The following ZSCAN4 variants were observed in gnomAD, a reference collection of about 807,000 sequenced individuals.
ZSCAN4 encodes zinc finger and SCAN domain containing 4.
A neutral mutation model predicts 18.3 loss-of-function variants in ZSCAN4; 18 were observed. The ratio of observed to expected loss-of-function variants is 0.98; its 90% CI spans 0.68 to 1.46. ZSCAN4 has a LOEUF of 1.46. Ranked by LOEUF, ZSCAN4 falls within the 40% of genes most tolerant of loss-of-function variation. The probability of loss-of-function intolerance (pLI) is 0.00; values close to 1 mark genes in which losing one functional copy is unlikely to be tolerated. For missense variants in ZSCAN4, 498 were observed against 511.4 expected, an observed-to-expected ratio of 0.97 and a Z score of 0.25; for synonymous variants, 193 against 180.3, an observed-to-expected ratio of 1.07 and a Z score of -0.57.
At chr19:57,668,702 C>G (rs1983923554), upstream of ZSCAN4, among the ~76,000 whole-genome samples, 1 of 152,202 alleles carries the variant, frequency 6.6e-6, no homozygotes, top group Admixed American at 6.5e-5. Flanking sequence ...GCGCTTCTCA[C>G]CATTTTAACT....
At chr19:57,658,607 G>T in the ZSCAN4 span, among the ~76,000 whole-genome samples, 2 of 152,152 alleles carry the variant, frequency 1.3e-5, no homozygotes, top group African/African-American at 4.8e-5. Flanking sequence ...GCCGAGGCAG[G>T]TAGATCACCT....
upstream of ZSCAN4, chr19:57,664,769 C>G (rs111378557): frequency 3.6e-3 from 797 of 218,518 alleles, 2 homozygotes; most frequent in African/African-American, 0.017. Context: ...AATCCCTGGT[C>G]CACAAACGTA....
In ZSCAN4 at chr19:57,669,039, C is replaced by T. The variant is rs1472665667; in HGVS notation, c.-593C>T. ...ACTTGATCAGAATTTGTGAGACTAA[C>T]GTTTGTCTTTATATTTTCCTTTTTT... On this transcript the variant is annotated 5_prime_UTR_variant, in exon 1 of 5. The change creates a new upstream start codon in the 5' untranslated region. Coordinates refer to ENST00000318203, the Ensembl canonical transcript of ZSCAN4. 6.8e-6 allele frequency: 1 copy of T among 146,868 alleles called. No homozygotes were observed. Among genetic ancestry groups the T allele is most frequent in the East Asian group, 2.0e-4 (1 of 5,038 alleles). The allele number at this position is 146,868 out of a possible 1,614,324, so 9.1% of individuals were successfully genotyped here. A position where few individuals can be genotyped will look rare whatever the true frequency, so the allele number is the denominator to read the frequency against.
At position 57,678,912 on chromosome 19, in the gene ZSCAN4, G is replaced by A. The variant is rs749163666; in HGVS notation, c.*7G>A. ...CACACCAGAAGCTTCCTAAGCTGCT[G>A]GTCTGATAATGTGTATAAATATGTA... On this transcript the variant is annotated 3_prime_UTR_variant, in exon 5 of 5. Coordinates refer to ENST00000318203, the Ensembl canonical transcript of ZSCAN4. The A allele has an allele frequency of 3.2e-6, 5 of 1,576,526 alleles. No individual in the cohort carries two copies. The Admixed American group carries it at 9.6e-5, about 30-fold the overall frequency.
At chr19:57,678,503 A>G (rs1984261858) in exon 5 of ZSCAN4, 1 of 1,614,178 alleles carries the variant, frequency 6.2e-7, no homozygotes, top group Non-Finnish European at 8.5e-7. Flanking sequence ...CATGTGAGGT[A>G]CATCAGAAAG....
At chr19:57,656,220 G>A in the ZSCAN4 span, among the ~76,000 whole-genome samples, 1 of 152,044 alleles carries the variant, frequency 6.6e-6, no homozygotes, top group Non-Finnish European at 1.5e-5. Flanking sequence ...CATAACCAAG[G>A]GAAACATTAT....
intron 3 of ZSCAN4, 145 bp downstream of exon 3, chr19:57,676,686 G>A: frequency 2.0e-6 from 2 of 985,846 alleles, no homozygotes; most frequent in Non-Finnish European, 2.9e-6. Flanking sequence ...TTCTCACAAA[G>A]AATAATCTTC....
chr19:57,651,957 C>T, the ZSCAN4 span, among the ~76,000 whole-genome samples: 1 of 152,104 alleles, frequency 6.6e-6, no homozygotes. Context: ...GAGAACTCCC[C>T]AGTCACCACT....
upstream of ZSCAN4, among the ~76,000 whole-genome samples, chr19:57,665,659 C>T (rs544204183): frequency 6.6e-6 from 1 of 152,264 alleles, no homozygotes; most frequent in South Asian, 2.1e-4. Context: ...GTGGCTCACT[C>T]CTGTAATCCC....
upstream of ZSCAN4, chr19:57,664,180 GGAGGAAGGGAGGACGA>G (rs893135582): frequency 1.3e-5 from 2 of 151,824 alleles, no homozygotes; most frequent in Non-Finnish European, 2.9e-5. Context: ...AGGGAGGAAG[GGAGGAAGGGAGGACGA>G]GAGGAAGGGA....
At chr19:57,662,505 T>A in the ZSCAN4 span, among the ~76,000 whole-genome samples, 1 of 152,200 alleles carries the variant, frequency 6.6e-6, no homozygotes, top group Non-Finnish European at 1.5e-5. Context: ...GGCTTACTTA[T>A]CCAAGATTGT....
the ZSCAN4 span, among the ~76,000 whole-genome samples, chr19:57,662,608 C>T: frequency 9.2e-5 from 14 of 152,298 alleles, no homozygotes; most frequent in African/African-American, 3.4e-4. Flanking sequence ...ATTGCCCAGA[C>T]TGGAGTGCAG....
the ZSCAN4 span, among the ~76,000 whole-genome samples, chr19:57,657,884 G>A: frequency 2.6e-5 from 4 of 152,098 alleles, no homozygotes; most frequent in African/African-American, 9.7e-5. Flanking sequence ...CAGTGTAAAT[G>A]CTGTTTAAAT....
chr19:57,668,867 G>A (rs540854167), upstream of ZSCAN4: 21 of 152,084 alleles, frequency 1.4e-4, no homozygotes, highest in African/African-American at 4.1e-4. Context: ...TCTGGGTCCC[G>A]GGCCCCCTCT....
upstream of ZSCAN4, among the ~76,000 whole-genome samples, chr19:57,665,332 C>T (rs954454092): frequency 6.6e-6 from 1 of 152,050 alleles, no homozygotes; most frequent in Non-Finnish European, 1.5e-5. Flanking sequence ...TGGCTTCTGG[C>T]GGTTCTTCCC....
At chr19:57,666,574 CAAAAAAA>C (rs10553956), upstream of ZSCAN4, among the ~76,000 whole-genome samples, 2 of 141,222 alleles carry the variant, frequency 1.4e-5, no homozygotes, top group Non-Finnish European at 3.1e-5. Flanking sequence ...TATTTTTTCT[CAAAAAAA>C]AAAAAAAAAG....
chr19:57,670,341 T>C (rs1490515225), exon 2 of ZSCAN4: 1 of 152,348 alleles, frequency 6.6e-6, no homozygotes, highest in Non-Finnish European at 1.5e-5. Flanking sequence ...TGTTATCCAA[T>C]CACGTCTTTA....
chr19:57,676,509 C>G, exon 3 of ZSCAN4: 1 of 1,613,916 alleles, frequency 6.2e-7, no homozygotes, highest in Admixed American at 1.7e-5. Context: ...CATAGAAGAC[C>G]TGACTGATGA....
At chr19:57,664,781 C>A, upstream of ZSCAN4, 1 of 215,106 alleles carries the variant, frequency 4.6e-6, no homozygotes. Context: ...ACAAACGTAC[C>A]CTGTGCCAAT....
Sources: allele counts gnomAD v4.1 joint callset (sites outside exome capture counted in the v4.1 genomes callset), GRCh38; gene constraint gnomAD v4.1.1; transcripts MANE v1.5; gene names NCBI Gene and HGNC (gene_info 2026-07-23, HGNC 2026-07-21).